The following COMMD1 variants were observed in gnomAD, a reference collection of about 807,000 sequenced individuals.
COMMD1 encodes the protein copper metabolism domain containing 1, also known as COMM domain-containing protein 1.
COMMD1 carries 10 observed loss-of-function variants against 17.2 expected under a neutral mutation model. The observed-to-expected ratio is 0.58, with a 90% CI of 0.36 to 0.99. The LOEUF is 0.99. COMMD1 is among the 50% of genes least tolerant of loss of function. The probability of loss-of-function intolerance (pLI) is 0.01; values close to 1 mark genes in which losing one functional copy is unlikely to be tolerated. For synonymous variants in COMMD1, 97 were observed against 91.6 expected (o/e 1.06, Z -0.34); for missense variants, 270 against 231.8 (o/e 1.17, Z -1.07).
At chr2:61,896,665 C>T (rs879676943) in intron 1 of COMMD1, among the ~76,000 whole-genome samples, 13 of 152,016 alleles carry the variant, frequency 8.6e-5, no homozygotes, top group Admixed American at 8.5e-4. Flanking sequence ...AACACACCAC[C>T]CCAAATAAGC....
At chr2:61,914,442 G>A (rs1669997450) in intron 1 of COMMD1, among the ~76,000 whole-genome samples, 1 of 151,354 alleles carries the variant, frequency 6.6e-6, no homozygotes, top group African/African-American at 2.4e-5. Flanking sequence ...GCATGGTGGC[G>A]TGTACCTGTA....
At chr2:62,006,249 T>C (rs1669115431) in intron 2 of COMMD1, among the ~76,000 whole-genome samples, 1 of 149,198 alleles carries the variant, frequency 6.7e-6, no homozygotes, top group South Asian at 2.2e-4. Context: ...TAATGCTAAA[T>C]GACAAGATAA....
intron 1 of COMMD1, among the ~76,000 whole-genome samples, chr2:61,924,016 A>G (rs909002070): frequency 3.3e-5 from 5 of 152,300 alleles, no homozygotes; most frequent in Middle Eastern, 3.4e-3. Flanking sequence ...TGCTCAAGCC[A>G]TCCACCCGCC....
chr2:62,009,601 C>CA (rs548120221), intron 2 of COMMD1, among the ~76,000 whole-genome samples: 2,035 of 72,746 alleles, frequency 0.028, 16 homozygotes, highest in East Asian at 0.059. Context: ...GAGACTGTCT[C>CA]AAAAAAAAAA....
intron 1 of COMMD1, among the ~76,000 whole-genome samples, chr2:61,945,328 A>G (rs1336635142): frequency 1.3e-5 from 2 of 152,216 alleles, no homozygotes; most frequent in Non-Finnish European, 2.9e-5. Context: ...GGAGCAAGTA[A>G]AACTTCAGAA....
Position 62,035,743 on chromosome 2 carries a change from T to TA in COMMD1, c.462+34783dup, listed in dbSNP as rs763075178. Among the ~76,000 whole-genome samples the TA allele has an allele frequency of 5.6e-3, 528 of 94,994 alleles. 5 individuals carry two copies. Among genetic ancestry groups the TA allele is most frequent in the South Asian group, 0.022 (68 of 3,042 alleles). The allele number at this position is 94,994 out of a possible 152,430, so 62.3% of individuals were successfully genotyped here. On this transcript the variant is annotated intron_variant, in intron 2 of 2. Coordinates refer to ENST00000311832, the MANE Select transcript of COMMD1 (RefSeq NM_152516.4). ...CAACAGAGTGAGACTCTGTCTCAAT[T>TA]AAAAAAAAAAAAAAAAAAAAAAGCA... is the stretch of plus-strand genomic sequence containing the variant.
intron 2 of COMMD1, among the ~76,000 whole-genome samples, chr2:62,115,850 TTCTTTCTTTC>T (rs1356008328): frequency 4.2e-5 from 5 of 117,954 alleles, no homozygotes; most frequent in African/African-American, 1.1e-4. Flanking sequence ...CTTTCTTTCT[TTCTTTCTTTC>T]TTTTTTTTTT....
intron 1 of COMMD1, among the ~76,000 whole-genome samples, chr2:61,999,225 A>G (rs1377862851): frequency 2.0e-5 from 3 of 152,216 alleles, no homozygotes; most frequent in Admixed American, 1.3e-4. Flanking sequence ...TGAAAATGCT[A>G]TGGTATGCTA....
intron 1 of COMMD1, among the ~76,000 whole-genome samples, chr2:61,910,693 A>G (rs1288694341): frequency 6.6e-6 from 1 of 152,194 alleles, no homozygotes; most frequent in Non-Finnish European, 1.5e-5. Context: ...AAAGAGCATA[A>G]TCTAACTATG....
At chr2:62,019,131 C>CCCTT (rs1239787487) in intron 2 of COMMD1, among the ~76,000 whole-genome samples, 326 of 91,830 alleles carry the variant, frequency 3.6e-3, no homozygotes, top group Middle Eastern at 7.1e-3. Flanking sequence ...CTCCCTCCCT[C>CCCTT]CCTTCCTTCC....
At chr2:61,970,369 G>A (rs1390046647) in intron 1 of COMMD1, among the ~76,000 whole-genome samples, 1 of 152,074 alleles carries the variant, frequency 6.6e-6, no homozygotes, top group East Asian at 1.9e-4. Flanking sequence ...TGGTGTCCAT[G>A]GGGAATTAGT....
chr2:62,075,950 G>C (rs1465864478), intron 2 of COMMD1, among the ~76,000 whole-genome samples: 2 of 152,228 alleles, frequency 1.3e-5, no homozygotes, highest in Admixed American at 1.3e-4. Context: ...AGACCACTCT[G>C]TTGTAAGTTC....
intron 1 of COMMD1, among the ~76,000 whole-genome samples, chr2:61,968,019 G>A (rs986390607): frequency 6.6e-6 from 1 of 152,142 alleles, no homozygotes; most frequent in African/African-American, 2.4e-5. Context: ...AAATTAGCCG[G>A]GCGTGGTGGC....
At chr2:61,966,367 G>C (rs895774388) in intron 1 of COMMD1, among the ~76,000 whole-genome samples, 2 of 152,138 alleles carry the variant, frequency 1.3e-5, no homozygotes, top group Non-Finnish European at 2.9e-5. Flanking sequence ...TCCTTGGCCA[G>C]ATTTTACTTA....
intron 1 of COMMD1, among the ~76,000 whole-genome samples, chr2:61,991,903 A>G (rs191143201): frequency 7.8e-4 from 119 of 152,318 alleles, no homozygotes; most frequent in African/African-American, 2.7e-3. Context: ...CTTTTTTTGT[A>G]GTAAATATTT....
chr2:61,955,564 GTT>G, intron 1 of COMMD1, among the ~76,000 whole-genome samples: 1 of 152,162 alleles, frequency 6.6e-6, no homozygotes, highest in African/African-American at 2.4e-5. Context: ...CTTTCAAAGA[GTT>G]CTCTTCTGTT....
chr2:62,057,267 G>C (rs1417493092), intron 2 of COMMD1, among the ~76,000 whole-genome samples: 1 of 152,152 alleles, frequency 6.6e-6, no homozygotes, highest in Non-Finnish European at 1.5e-5. Context: ...CAAAAAGGTT[G>C]GGGACCACTG....
At chr2:62,013,832 A>T (rs1341419692) in intron 2 of COMMD1, among the ~76,000 whole-genome samples, 1 of 152,190 alleles carries the variant, frequency 6.6e-6, no homozygotes, top group Non-Finnish European at 1.5e-5. Flanking sequence ...ATACAACTTG[A>T]GTTTTCTGGT....
chr2:62,085,976 T>TCAAAA (rs1184453505), intron 2 of COMMD1, among the ~76,000 whole-genome samples: 18 of 151,464 alleles, frequency 1.2e-4, no homozygotes, highest in African/African-American at 3.4e-4. Context: ...AGACTCTGTC[T>TCAAAA]CAAAACAAAA....
Sources: allele counts gnomAD v4.1 joint callset (sites outside exome capture counted in the v4.1 genomes callset), GRCh38; gene constraint gnomAD v4.1.1; transcripts MANE v1.5; gene names NCBI Gene and HGNC (gene_info 2026-07-23, HGNC 2026-07-21).